The following SERPINE2 variants were observed in gnomAD, a reference collection of about 807,000 sequenced individuals.
SERPINE2 encodes the protein serpin family E member 2, also known as glia-derived nexin.
In SERPINE2, 14 loss-of-function variants were observed where a neutral mutation model predicts 36.3. The observed-to-expected ratio is 0.39, with a 90% CI of 0.25 to 0.60. The LOEUF is 0.60. Among genes scored for constraint, SERPINE2 ranks in the 20% least tolerant of loss-of-function variants. The pLI is 0.57. For synonymous variants in SERPINE2, 192 were observed against 191.8 expected, an observed-to-expected ratio of 1.00 and a Z score of -0.01; for missense variants, 418 against 499.6, an observed-to-expected ratio of 0.84 and a Z score of 1.56.
At chr2:224,024,590 T>C (rs986551355) in intron 1 of SERPINE2, among the ~76,000 whole-genome samples, 2 of 152,232 alleles carry the variant, frequency 1.3e-5, no homozygotes, top group Non-Finnish European at 2.9e-5. Context: ...GTAAGTCACA[T>C]ACCTGATCTG....
At chr2:223,993,332 G>C (rs10171423) in intron 3 of SERPINE2, among the ~76,000 whole-genome samples, 94,468 of 151,952 alleles carry the variant, frequency 0.62, 29,811 homozygotes, top group Admixed American at 0.71. Flanking sequence ...CTTCCAAAAT[G>C]CTACCTGTGG....
intron 1 of SERPINE2, among the ~76,000 whole-genome samples, chr2:224,004,947 GT>G (rs1260496647): frequency 8.9e-5 from 13 of 146,886 alleles, no homozygotes; most frequent in Non-Finnish European, 1.6e-4. Flanking sequence ...CATTAAACTG[GT>G]TTTGCCTCTG....
rs774018721 is a variant in SERPINE2 at position 223,977,602 on chromosome 2, C to T, written c.1098G>A (p.Ser366=). ...GTCTGTCTACTATAAACCAGGGAGG[C>T]GATGATCTTGCAATGAGAATTGCAG... is the stretch of plus-strand genomic sequence containing the variant. ...ATTAILIARS[S]PPWFIVDRPF... is the part of the protein sequence containing the mutation. Residue 366 remains serine (S), a synonymous_variant, in exon 8 of 9, where the codon TCG becomes TCA. Transcript: ENST00000409304. 11 of 1,613,172 alleles carry T rather than the reference C, an allele frequency of 6.8e-6. No individual in the cohort carries two copies. Among genetic ancestry groups the T allele is most frequent in the Middle Eastern group, 3.3e-4 (2 of 6,060 alleles).
At chr2:224,032,612 T>C (rs1459171224) in intron 1 of SERPINE2, among the ~76,000 whole-genome samples, 2 of 152,252 alleles carry the variant, frequency 1.3e-5, no homozygotes, top group African/African-American at 4.8e-5. Context: ...TCTCCTCATA[T>C]TATTCTTCAA....
chr2:223,993,078 C>T (rs2106152310), intron 3 of SERPINE2, among the ~76,000 whole-genome samples: 1 of 152,194 alleles, frequency 6.6e-6, no homozygotes, highest in South Asian at 2.1e-4. Context: ...TGAGCTATGA[C>T]TGCACCACTG....
At chr2:224,036,485 G>A (rs1692541234) in intron 1 of SERPINE2, among the ~76,000 whole-genome samples, 2 of 151,786 alleles carry the variant, frequency 1.3e-5, no homozygotes, top group Admixed American at 6.6e-5. Flanking sequence ...CTGTGGTGGG[G>A]GGCGGGGAGT....
rs532004153 is a variant in SERPINE2, at chr2:223,980,997, C to T, written c.986-600G>A. 3.4e-3 allele frequency: 523 copies of T among 152,522 alleles called. 2 individuals carry two copies. The highest frequency in any genetic ancestry group is 6.0e-3 in the Non-Finnish European group (411 of 68,222). 9.4% of individuals were successfully genotyped at this position (152,522 alleles called of 1,614,324 possible). Reference sequence around the variant, plus strand: ...TGTAAATGCAGTTGTGCCTCAGGGACATTCTGGTGAACTCACTTTACTTCT... The same window carrying T: ...TGTAAATGCAGTTGTGCCTCAGGGATATTCTGGTGAACTCACTTTACTTCT... On this transcript the variant is annotated intron_variant, in intron 6 of 8. Coordinates refer to ENST00000409304, the MANE Select transcript of SERPINE2 (RefSeq NM_001136528.2).
At chr2:224,033,878 C>T (rs1285014384) in intron 1 of SERPINE2, among the ~76,000 whole-genome samples, 2 of 152,054 alleles carry the variant, frequency 1.3e-5, no homozygotes, top group Admixed American at 6.5e-5. Context: ...ATTAGACTTC[C>T]GCTTTTCTCT....
intron 1 of SERPINE2, chr2:224,038,814 C>A (rs1026084934): frequency 1.3e-5 from 5 of 387,218 alleles, no homozygotes; most frequent in Non-Finnish European, 2.3e-5. Context: ...TGGACGCCAC[C>A]CCGGGGCGGC....
At chr2:224,026,952 G>A (rs989941554) in intron 1 of SERPINE2, among the ~76,000 whole-genome samples, 3 of 152,144 alleles carry the variant, frequency 2.0e-5, no homozygotes, top group Non-Finnish European at 4.4e-5. Context: ...ACTCTTAGCT[G>A]GTACAAATCA....
At chr2:223,999,116 A>G (rs1424985647) in intron 2 of SERPINE2, among the ~76,000 whole-genome samples, 2 of 152,214 alleles carry the variant, frequency 1.3e-5, no homozygotes, top group African/African-American at 4.8e-5. Context: ...TGGAAAAAAA[A>G]TGAATAAAAT....
intron 1 of SERPINE2, among the ~76,000 whole-genome samples, chr2:224,007,932 C>T (rs894032434): frequency 6.6e-6 from 1 of 152,242 alleles, no homozygotes; most frequent in African/African-American, 2.4e-5. Flanking sequence ...AGCTACGGCC[C>T]ATGGGCCAGA....
At chr2:224,036,707 G>A (rs1389195241) in intron 1 of SERPINE2, among the ~76,000 whole-genome samples, 2 of 151,938 alleles carry the variant, frequency 1.3e-5, no homozygotes, top group Non-Finnish European at 2.9e-5. Context: ...GGAGACTCTG[G>A]CCAGCTTGCA....
intron 4 of SERPINE2, among the ~76,000 whole-genome samples, chr2:223,990,634 T>C (rs1365929373): frequency 6.6e-6 from 1 of 152,130 alleles, no homozygotes; most frequent in East Asian, 1.9e-4. Context: ...AATCACTTCA[T>C]TGAAACACTA....
chr2:224,009,085 C>A (rs2106176415), intron 1 of SERPINE2, among the ~76,000 whole-genome samples: 1 of 152,292 alleles, frequency 6.6e-6, no homozygotes, highest in Admixed American at 6.5e-5. Flanking sequence ...CCTCCTGAAT[C>A]AAGCCCAGCC....
intron 4 of SERPINE2, among the ~76,000 whole-genome samples, chr2:223,986,955 G>A (rs1235344188): frequency 6.6e-6 from 1 of 152,052 alleles, no homozygotes; most frequent in Non-Finnish European, 1.5e-5. Context: ...TGAGGAGCTG[G>A]GAGATAAAAT....
At chr2:224,037,442 T>TG (rs745624650) in intron 1 of SERPINE2, among the ~76,000 whole-genome samples, 2 of 152,200 alleles carry the variant, frequency 1.3e-5, no homozygotes, top group African/African-American at 4.8e-5. Flanking sequence ...GGGCAAGACT[T>TG]GGAGGTACTT....
intron 4 of SERPINE2, among the ~76,000 whole-genome samples, chr2:223,988,280 G>A (rs923283350): frequency 1.3e-5 from 2 of 152,098 alleles, no homozygotes; most frequent in African/African-American, 2.4e-5. Context: ...GTGAACCCCC[G>A]ACCTCAGACT....
chr2:224,025,907 C>CAA (rs1389266447), intron 1 of SERPINE2, among the ~76,000 whole-genome samples: 13 of 152,208 alleles, frequency 8.5e-5, no homozygotes, highest in African/African-American at 3.1e-4. Flanking sequence ...TTTCAAATGA[C>CAA]AGAGGGCAGC....
Sources: allele counts gnomAD v4.1 joint callset (sites outside exome capture counted in the v4.1 genomes callset), GRCh38; gene constraint gnomAD v4.1.1; transcripts MANE v1.5; gene names NCBI Gene and HGNC (gene_info 2026-07-23, HGNC 2026-07-21).